Variants in LGI1 observed in about 807,000 individuals in gnomAD.
LGI1 encodes the protein leucine rich glioma inactivated 1.
LGI1 carries 11 observed loss-of-function variants against 57.7 expected under a neutral mutation model. That is an observed-to-expected ratio of 0.19 (90% CI 0.12 to 0.32). The LOEUF is 0.32. LGI1 is among the 10% of genes least tolerant of loss of function. The pLI, the probability that LGI1 is intolerant of heterozygous loss-of-function variation, is 1.00. For missense variants in LGI1, 422 were observed against 661.9 expected (o/e 0.64, Z 3.98); for synonymous variants, 222 against 241.9 (o/e 0.92, Z 0.76).
chr10:93,797,035 G>C lies in LGI1; in HGVS notation c.906G>C (p.Leu302=). The change falls in exon 8 of 8, where the codon CTG becomes CTC. Residue 302 remains leucine, a synonymous_variant. Transcript: ENST00000371418. This position sits in a 1 kb window ranked among gnomAD's most constrained non-coding sequence, Gnocchi z 6.5. The part of the protein sequence containing the change: ...ETQLYVIVAQ[L]FGGSHIYKRD... ...AGCTCTATGTTATTGTGGCCCAGCT[G>C]TTTGGTGGCTCTCACATCTATAAGC... 1.2e-6 allele frequency: 2 copies of C among 1,614,054 alleles called. No individual in the cohort carries two copies. The highest frequency in any genetic ancestry group is 8.5e-7 in the Non-Finnish European group (1 of 1,179,988).
chr10:93,793,138 G>A, intron 6 of LGI1, 48 bp from the exon 7 acceptor site: 1 of 1,480,404 alleles, frequency 6.8e-7, no homozygotes, highest in Non-Finnish European at 9.3e-7. Context: ...ATCTAGCCAA[G>A]GAAAGAGGTA....
intron 7 of LGI1, among the ~76,000 whole-genome samples, chr10:93,796,094 T>C (rs1392354532): frequency 2.0e-5 from 3 of 152,262 alleles, no homozygotes. Context: ...GCTAGGCCAC[T>C]GACAGATCCC....
At chr10:93,777,197 T>C in intron 2 of LGI1, 182 bp from the exon 3 acceptor site, 2 of 655,390 alleles carry the variant, frequency 3.1e-6, no homozygotes, top group Admixed American at 4.6e-5. Context: ...GAGCCTTTGA[T>C]GAGGAGATGA....
chr10:93,788,510 A>C (rs1374817366), intron 4 of LGI1: 17 of 152,208 alleles, frequency 1.1e-4, no homozygotes, highest in Non-Finnish European at 1.5e-5. Flanking sequence ...GAAACAACTG[A>C]ATTTCCAAGA....
intron 4 of LGI1, among the ~76,000 whole-genome samples, chr10:93,787,817 G>A (rs1464932666): frequency 1.3e-5 from 2 of 151,350 alleles, no homozygotes; most frequent in Non-Finnish European, 2.9e-5. Context: ...TGAGCCCAGA[G>A]GATCACTTGA....
intron 2 of LGI1, chr10:93,764,423 G>A (rs2059653583): frequency 6.6e-6 from 1 of 152,094 alleles, no homozygotes; most frequent in Admixed American, 6.5e-5. Flanking sequence ...TTCTCATTTT[G>A]TTCAAAATGA....
intron 2 of LGI1, chr10:93,772,984 G>A (rs115672405): frequency 0.047 from 7,169 of 152,010 alleles, 301 homozygotes; most frequent in African/African-American, 0.11. Context: ...GGAAGTTGAG[G>A]TGGGAGGATT....
rs1461774136 is a variant in LGI1 at position 93,796,978 on chromosome 10, T to C, written c.849T>C (p.Thr283=). Residue 283 remains threonine (T), a synonymous_variant, in exon 8 of 8, where the codon ACT becomes ACC. Coordinates refer to ENST00000371418, the MANE Select transcript of LGI1 (RefSeq NM_005097.4). ...RNYDNITGTS[T]VVCKPIVIET... Reference sequence around the variant, plus strand: ...TTTGTCTTTTCCCAGGCACATCCACTGTAGTATGCAAGCCTATAGTCATTG... The same window carrying C: ...TTTGTCTTTTCCCAGGCACATCCACCGTAGTATGCAAGCCTATAGTCATTG... 1 of 1,613,416 alleles carries C rather than the reference T, an allele frequency of 6.2e-7. No homozygotes were observed. Among genetic ancestry groups the C allele is most frequent in the Non-Finnish European group, 8.5e-7 (1 of 1,179,598 alleles).
chr10:93,795,466 A>G (rs2059972653), intron 7 of LGI1, among the ~76,000 whole-genome samples: 1 of 152,160 alleles, frequency 6.6e-6, no homozygotes, highest in African/African-American at 2.4e-5. Flanking sequence ...AATTCCATTC[A>G]TGAGTGTGGA....
chr10:93,763,065 C>G (rs897264526), intron 2 of LGI1: 1 of 152,282 alleles, frequency 6.6e-6, no homozygotes, highest in Non-Finnish European at 1.5e-5. Context: ...CACTGTTTCA[C>G]AGGCTGTGGC....
intron 4 of LGI1, chr10:93,782,735 C>G (rs1022811933): frequency 6.6e-6 from 1 of 152,186 alleles, no homozygotes; most frequent in Middle Eastern, 3.2e-3. Flanking sequence ...GCACTTGCAC[C>G]GCCGCAGGTT....
intron 2 of LGI1, among the ~76,000 whole-genome samples, chr10:93,773,504 C>A (rs2059760622): frequency 6.6e-6 from 1 of 152,130 alleles, no homozygotes; most frequent in South Asian, 2.1e-4. Context: ...AAAATCCAGG[C>A]AGGAGTCTAT....
chr10:93,773,285 G>A (rs907381545), intron 2 of LGI1, among the ~76,000 whole-genome samples: 1 of 151,994 alleles, frequency 6.6e-6, no homozygotes, highest in Non-Finnish European at 1.5e-5. Flanking sequence ...ATGGCTGCTC[G>A]CCAGAACGTG....
chr10:93,789,971 A>C (rs529962843), intron 4 of LGI1, 128 bp from the exon 5 acceptor site: 155 of 927,830 alleles, frequency 1.7e-4, no homozygotes, highest in South Asian at 1.5e-3. Context: ...TCAGAAGAAA[A>C]AAAAAGGACC....
At chr10:93,773,231 T>G (rs1313659413) in intron 2 of LGI1, among the ~76,000 whole-genome samples, 2 of 152,210 alleles carry the variant, frequency 1.3e-5, no homozygotes, top group Non-Finnish European at 2.9e-5. Flanking sequence ...GGCATTATTG[T>G]TTAATTACAT....
chr10:93,773,099 A>G (rs2059756438), intron 2 of LGI1, among the ~76,000 whole-genome samples: 1 of 152,126 alleles, frequency 6.6e-6, no homozygotes, highest in African/African-American at 2.4e-5. Context: ...CAAAAAAAAA[A>G]AAACTGGAAA....
chr10:93,775,270 T>C (rs2133998120), intron 2 of LGI1, among the ~76,000 whole-genome samples: 1 of 152,340 alleles, frequency 6.6e-6, no homozygotes, highest in Non-Finnish European at 1.5e-5. Context: ...CTCCTGATTC[T>C]AGCAGCATAG....
chr10:93,790,236 A>G (rs1027289761), intron 5 of LGI1, 66 bp downstream of exon 5: 2 of 1,292,716 alleles, frequency 1.5e-6, no homozygotes, highest in Non-Finnish European at 2.2e-6. Flanking sequence ...GAAGCCTGGT[A>G]TTGATTATTA....
At position 93,797,891 on chromosome 10, in the gene LGI1, T is replaced by A; in HGVS notation, c.*88T>A. 1 of 918,290 alleles carries A rather than the reference T, an allele frequency of 1.1e-6. No homozygotes were observed. Among genetic ancestry groups the A allele is most frequent in the Non-Finnish European group, 1.8e-6 (1 of 562,162 alleles). The allele number at this position is 918,290 out of a possible 1,614,324, so 56.9% of individuals were successfully genotyped here. On this transcript the variant is annotated 3_prime_UTR_variant, in exon 8 of 8. Coordinates refer to ENST00000371418, the MANE Select transcript of LGI1 (RefSeq NM_005097.4). The surrounding 1 kb of genome is among the most constrained non-coding windows in gnomAD (Gnocchi z 6.5). ...TGCATGATGACTCTTCTTATCACAC[T>A]TGCAAATGAATGCCTTTCAAACATT...
Sources: allele counts gnomAD v4.1 joint callset (sites outside exome capture counted in the v4.1 genomes callset), GRCh38; gene constraint gnomAD v4.1.1; non-coding constraint Gnocchi (gnomAD v3.1); transcripts MANE v1.5; gene names NCBI Gene and HGNC (gene_info 2026-07-23, HGNC 2026-07-21).